Variants in PRR5 observed in about 807,000 individuals in gnomAD.
PRR5 encodes proline-rich protein 5.
PRR5 carries 25 observed loss-of-function variants against 30.6 expected under a neutral mutation model. That is an observed-to-expected ratio of 0.82 (90% CI 0.60 to 1.14). The LOEUF (loss-of-function observed/expected upper bound fraction) is 1.14, where lower values mean the gene tolerates loss of function less well. PRR5 is among the 50% of genes most tolerant of loss of function. The pLI is 0.00. For missense variants in PRR5, 600 were observed against 547.1 expected (o/e 1.10, Z -0.96); for synonymous variants, 286 against 247.1 (o/e 1.16, Z -1.48).
upstream of PRR5, among the ~76,000 whole-genome samples, chr22:44,672,538 C>T (rs1408116748): frequency 1.3e-5 from 2 of 152,188 alleles, no homozygotes; most frequent in African/African-American, 4.8e-5. Context: ...GAGCTGAGAT[C>T]ACGTGCCTGC....
chr22:44,701,232 C>T (rs761204570), upstream of PRR5, among the ~76,000 whole-genome samples: 5 of 152,188 alleles, frequency 3.3e-5, no homozygotes, highest in Non-Finnish European at 7.3e-5. Context: ...CTGTCACCCC[C>T]CATCTGATGG....
chr22:44,676,775 T>C (rs916401), upstream of PRR5: 24,287 of 152,450 alleles, frequency 0.16, 2,648 homozygotes, highest in African/African-American at 0.28. Context: ...CCCCACCCTG[T>C]ACCTTGGACC....
In PRR5 at chr22:44,726,647, C is replaced by G. The variant is rs769367603; in HGVS notation, c.322+13C>G. 6.2e-7 allele frequency: 1 copy of G among 1,613,986 alleles called. No individual in the cohort carries two copies. The highest frequency in any genetic ancestry group is 1.3e-5 in the African/African-American group (1 of 75,072). On this transcript the variant is annotated intron_variant, in intron 4 of 7. Transcript: ENST00000336985. ...CGCTTCTATGAGGGTGAGTGTGGGCCCCTTGGCGGCCACTCTGGGCCATGC... is the reference window on the plus strand; with the variant it reads ...CGCTTCTATGAGGGTGAGTGTGGGCGCCTTGGCGGCCACTCTGGGCCATGC...
At chr22:44,720,569 C>T (rs766640521) in intron 2 of PRR5, among the ~76,000 whole-genome samples, 1 of 152,178 alleles carries the variant, frequency 6.6e-6, no homozygotes, top group Non-Finnish European at 1.5e-5. Flanking sequence ...GGAAGTTGCC[C>T]GTCCGTTTAG....
intron 2 of PRR5, among the ~76,000 whole-genome samples, chr22:44,719,256 TA>T (rs1244476888): frequency 6.7e-5 from 10 of 148,688 alleles, no homozygotes; most frequent in African/African-American, 2.5e-4. Context: ...ATTTTTTTTT[TA>T]TTTTTTGTAG....
chr22:44,693,677 G>T (rs1245180984), intron 1 of PRR5, among the ~76,000 whole-genome samples: 1 of 143,380 alleles, frequency 7.0e-6, no homozygotes, highest in Non-Finnish European at 1.5e-5. Context: ...AGGCTGGAGT[G>T]CAGGCTCAGT....
Position 44,706,872 on chromosome 22 carries a change from C to T in PRR5, c.134+4264C>T, listed in dbSNP as rs369792916. Among the ~76,000 whole-genome samples, 631 of 145,960 alleles carry T rather than the reference C, an allele frequency of 4.3e-3. 4 individuals are homozygous for T. Among genetic ancestry groups the T allele is most frequent in the African/African-American group, 0.014 (574 of 40,768 alleles). ...AGCTATGGATGCCCGGCTGGCCTGC[C>T]GGCCGGGCCCCCCTTACAGAACATA... On this transcript the variant is annotated intron_variant, in intron 1 of 7. Coordinates refer to ENST00000336985, the MANE Select transcript of PRR5 (RefSeq NM_181333.4).
rs1926423845 is a variant in PRR5 at position 44,702,233 on chromosome 22, CCG to C, written c.-236_-235del. 1 of 1,116,710 alleles carries C rather than the reference CCG, an allele frequency of 9.0e-7. No individual in the cohort carries two copies. The allele number at this position is 1,116,710 out of a possible 1,614,324, so 69.2% of individuals were successfully genotyped here. ...TCCGTTTGCGCCGGGTCTGTGCTGG[CCG>C]CGCGCCTGGCGCTCCACGCTGAGCC... is the stretch of plus-strand genomic sequence containing the variant. On this transcript the variant is annotated 5_prime_UTR_variant, in exon 1 of 8. Transcript: ENST00000336985.
At chr22:44,723,928 A>G (rs528973723) in intron 2 of PRR5, among the ~76,000 whole-genome samples, 2 of 152,364 alleles carry the variant, frequency 1.3e-5, no homozygotes, top group African/African-American at 2.4e-5. Flanking sequence ...CTGTCTGTGC[A>G]TGAACTGCTG....
intron 4 of PRR5, chr22:44,729,929 T>C: frequency 1.0e-6 from 1 of 985,448 alleles, no homozygotes; most frequent in African/African-American, 1.7e-5. Flanking sequence ...TGAAGGGACT[T>C]TGTGTGTGGG....
intron 1 of PRR5, among the ~76,000 whole-genome samples, chr22:44,689,234 G>C (rs562768824): frequency 6.6e-6 from 1 of 152,048 alleles, no homozygotes; most frequent in Non-Finnish European, 1.5e-5. Context: ...GGACCTTACC[G>C]GATCCTGCCC....
intron 7 of PRR5, 29 bp from the exon 8 acceptor site, chr22:44,736,743 G>GGT (rs778593611): frequency 2.0e-6 from 3 of 1,525,490 alleles, no homozygotes; most frequent in Middle Eastern, 2.5e-4. Flanking sequence ...GGTGGCCTCT[G>GGT]GTGTGACAGT....
chr22:44,731,888 C>T, intron 5 of PRR5, 67 bp downstream of exon 5: 4 of 1,494,588 alleles, frequency 2.7e-6, no homozygotes, highest in Admixed American at 1.9e-5. Flanking sequence ...CCTCACTCTA[C>T]AGAGGGGGGC....
At chr22:44,702,662 C>G in intron 1 of PRR5, 54 bp downstream of exon 1, 1 of 1,253,014 alleles carries the variant, frequency 8.0e-7, no homozygotes, top group Non-Finnish European at 1.0e-6. Flanking sequence ...GGGAGGGGAC[C>G]CCTGAGCCGT....
At chr22:44,675,833 T>G (rs1923722703), upstream of PRR5, among the ~76,000 whole-genome samples, 1 of 151,496 alleles carries the variant, frequency 6.6e-6, no homozygotes. Flanking sequence ...TTGTGGATCC[T>G]TGCAGACAGG....
chr22:44,731,870 C>T (rs1183305559), intron 5 of PRR5, 49 bp downstream of exon 5: 2 of 1,575,094 alleles, frequency 1.3e-6, no homozygotes, highest in Non-Finnish European at 1.7e-6. Flanking sequence ...CTGCTGTGCC[C>T]ACCCTGGCCT....
intron 1 of PRR5, among the ~76,000 whole-genome samples, chr22:44,705,377 G>C (rs947233783): frequency 6.6e-6 from 1 of 152,084 alleles, no homozygotes; most frequent in African/African-American, 2.4e-5. Flanking sequence ...AGGCTGGAGT[G>C]CAATGGTGTG....
rs147575649 is a variant in PRR5 at position 44,715,631 on chromosome 22, T to G, written c.215+960T>G. ...CTTCAGGAAACAGGAGCCTAAAGGA[T>G]CTGCCAGGGGGCGGGGTGGGGGGCA... On this transcript the variant is annotated intron_variant, in intron 2 of 7. Transcript: ENST00000336985. Among the ~76,000 whole-genome samples, 970 of 152,096 alleles carry G rather than the reference T, an allele frequency of 6.4e-3. 10 individuals carry two copies. The highest frequency in any genetic ancestry group is 0.022 in the African/African-American group (922 of 41,484).
chr22:44,698,851 C>T (rs184230523), upstream of PRR5, among the ~76,000 whole-genome samples: 68 of 152,346 alleles, frequency 4.5e-4, no homozygotes, highest in African/African-American at 1.6e-3. Flanking sequence ...CCCTTTGTCC[C>T]CCAGTTGCCC....
Sources: gnomAD v4.1 joint callset for allele counts (sites outside exome capture counted in the v4.1 genomes callset) on GRCh38, gnomAD v4.1.1 for gene constraint, MANE v1.5 for transcripts, NCBI Gene and HGNC (gene_info 2026-07-23, HGNC 2026-07-21) for gene names.